Variants in RIPOR2 observed in about 807,000 individuals in gnomAD.
The protein encoded by RIPOR2 is RHO family interacting cell polarization regulator 2.
A neutral mutation model predicts 114.5 loss-of-function variants in RIPOR2; 39 were observed. The ratio of observed to expected loss-of-function variants is 0.34; its 90% CI spans 0.26 to 0.44. The LOEUF is 0.44. Ranked by LOEUF, RIPOR2 falls within the 20% of genes least tolerant of loss-of-function variation. The pLI is 1.00. For synonymous variants in RIPOR2, 445 were observed against 484.4 expected (o/e 0.92, Z 1.07); for missense variants, 1,007 against 1,255.1 (o/e 0.80, Z 2.99).
intron 1 of RIPOR2, among the ~76,000 whole-genome samples, chr6:24,971,902 TGA>T: frequency 6.6e-6 from 1 of 152,146 alleles, no homozygotes; most frequent in Non-Finnish European, 1.5e-5. Context: ...AACTATAAAA[TGA>T]GGAGAGTAAT....
At chr6:25,029,828 C>G (rs542221840) in intron 1 of RIPOR2, among the ~76,000 whole-genome samples, 1 of 152,284 alleles carries the variant, frequency 6.6e-6, no homozygotes, top group South Asian at 2.1e-4. Flanking sequence ...CAGTTAAAAG[C>G]TGGGTTAAAA....
chr6:24,880,787 A>G (rs917111062), intron 1 of RIPOR2, among the ~76,000 whole-genome samples: 1 of 152,216 alleles, frequency 6.6e-6, no homozygotes, highest in African/African-American at 2.4e-5. Flanking sequence ...GTTCTGAGCT[A>G]TGTAACAAGT....
chr6:24,838,442 C>T (rs1175325041), intron 14 of RIPOR2, among the ~76,000 whole-genome samples: 2 of 152,082 alleles, frequency 1.3e-5, no homozygotes, highest in East Asian at 3.9e-4. Flanking sequence ...ATGTGTATAC[C>T]TAGTTAATTT....
chr6:24,864,969 ATGTG>A (rs1764434957), intron 7 of RIPOR2, among the ~76,000 whole-genome samples: 1 of 152,128 alleles, frequency 6.6e-6, no homozygotes, highest in South Asian at 2.1e-4. Flanking sequence ...TATTTTAGAG[ATGTG>A]GCCTCGCTCT....
intron 14 of RIPOR2, among the ~76,000 whole-genome samples, chr6:24,837,074 G>A (rs1435762667): frequency 1.3e-5 from 2 of 152,150 alleles, no homozygotes; most frequent in Non-Finnish European, 2.9e-5. Context: ...TGGATAAGAA[G>A]TATTTCACAA....
At chr6:25,026,021 A>G (rs1776598106) in intron 1 of RIPOR2, among the ~76,000 whole-genome samples, 1 of 151,276 alleles carries the variant, frequency 6.6e-6, no homozygotes, top group Non-Finnish European at 1.5e-5. Flanking sequence ...AAATTGCATG[A>G]GATTAAAAGT....
intron 1 of RIPOR2, among the ~76,000 whole-genome samples, chr6:24,951,991 T>C (rs1035334913): frequency 1.3e-5 from 2 of 152,200 alleles, no homozygotes; most frequent in African/African-American, 2.4e-5. Flanking sequence ...TATTCTGCAG[T>C]GGACATTGCC....
At chr6:24,989,616 A>G (rs1437741598) in intron 1 of RIPOR2, among the ~76,000 whole-genome samples, 1 of 152,152 alleles carries the variant, frequency 6.6e-6, no homozygotes, top group Non-Finnish European at 1.5e-5. Context: ...TTAAAATTAT[A>G]AGATTTATAA....
At chr6:24,835,553 C>T in intron 15 of RIPOR2, 150 bp downstream of exon 15, 1 of 819,720 alleles carries the variant, frequency 1.2e-6, no homozygotes, top group East Asian at 2.7e-5. Flanking sequence ...TGGGCAGGCC[C>T]ATCAGAGTTT....
chr6:24,915,704 A>G (rs981721776), intron 1 of RIPOR2, among the ~76,000 whole-genome samples: 3 of 152,162 alleles, frequency 2.0e-5, no homozygotes, highest in Non-Finnish European at 4.4e-5. Flanking sequence ...TATGAAGTGC[A>G]TAAGAATCAC....
chr6:24,842,724 C>T (rs548165007), intron 13 of RIPOR2, 138 bp downstream of exon 13: 6 of 431,922 alleles, frequency 1.4e-5, no homozygotes, highest in South Asian at 1.9e-4. Flanking sequence ...CATATTAGTG[C>T]CATTTAAAAT....
At position 24,887,047 on chromosome 6, in the gene RIPOR2, A is replaced by C. The variant is rs143484442; in HGVS notation, c.62-11230T>G. The stretch of plus-strand genomic sequence containing the variant: ...GGACTCACGGATTCTTGTTTTACTC[A>C]ATGGGTTATAATCCACTACTATAAT... On this transcript the variant is annotated intron_variant, in intron 1 of 21. Coordinates refer to ENST00000643898, the MANE Select transcript of RIPOR2 (RefSeq NM_001286445.3). Among the ~76,000 whole-genome samples, 19 of 152,176 alleles carry C rather than the reference A, an allele frequency of 1.2e-4. No individual in the cohort carries two copies. The East Asian group carries it at 3.7e-3, about 29-fold the overall frequency.
intron 1 of RIPOR2, among the ~76,000 whole-genome samples, chr6:24,876,073 C>A (rs915385812): frequency 2.6e-5 from 4 of 152,012 alleles, no homozygotes; most frequent in African/African-American, 9.7e-5. Context: ...GGTGGATCAC[C>A]TGAAGTCAGG....
chr6:24,877,054 C>A, intron 1 of RIPOR2: 1 of 985,220 alleles, frequency 1.0e-6, no homozygotes, highest in Non-Finnish European at 1.2e-6. Context: ...GGGCAGACAA[C>A]AAATCGGTAT....
At chr6:25,041,014 C>T (rs1414402703) in intron 1 of RIPOR2, among the ~76,000 whole-genome samples, 1 of 152,194 alleles carries the variant, frequency 6.6e-6, no homozygotes, top group Non-Finnish European at 1.5e-5. Flanking sequence ...TTGCTGCACC[C>T]TCTACCACTG....
At chr6:25,005,275 C>T (rs1046732716) in intron 1 of RIPOR2, among the ~76,000 whole-genome samples, 1 of 152,108 alleles carries the variant, frequency 6.6e-6, no homozygotes, top group African/African-American at 2.4e-5. Context: ...CCGGGTTGTC[C>T]GTAGATTTAG....
At chr6:24,958,183 A>G (rs1185471719) in intron 1 of RIPOR2, among the ~76,000 whole-genome samples, 1 of 152,242 alleles carries the variant, frequency 6.6e-6, no homozygotes, top group Non-Finnish European at 1.5e-5. Context: ...ACTATAGAAC[A>G]CTAAATAATA....
intron 1 of RIPOR2, chr6:25,041,814 A>G (rs948298113): frequency 1.4e-6 from 1 of 694,114 alleles, no homozygotes; most frequent in Non-Finnish European, 2.6e-6. Flanking sequence ...GTGGAAAACA[A>G]AGGCAGAGAG....
intron 15 of RIPOR2, 24 bp from the exon 16 acceptor site, chr6:24,832,415 G>T: frequency 6.4e-7 from 1 of 1,550,838 alleles, no homozygotes; most frequent in Non-Finnish European, 8.7e-7. Context: ...CAAAACTCCT[G>T]TTTCAATTAT....
Sources: gnomAD v4.1 joint callset for allele counts (sites outside exome capture counted in the v4.1 genomes callset) on GRCh38, gnomAD v4.1.1 for gene constraint, MANE v1.5 for transcripts, NCBI Gene and HGNC (gene_info 2026-07-23, HGNC 2026-07-21) for gene names.